DOCK1: variants seen among roughly 807,000 people sequenced by gnomAD.
The protein encoded by DOCK1 is dedicator of cytokinesis protein 1.
DOCK1 carries 138 observed loss-of-function variants against 262.7 expected under a neutral mutation model. The ratio of observed to expected loss-of-function variants is 0.53; its 90% CI spans 0.46 to 0.61. The LOEUF (loss-of-function observed/expected upper bound fraction) is 0.61, where lower values mean the gene tolerates loss of function less well. Among genes scored for constraint, DOCK1 ranks in the 20% least tolerant of loss-of-function variants. DOCK1 has a pLI of 0.00. For synonymous variants in DOCK1, 866 were observed against 867.4 expected, an observed-to-expected ratio of 1.00 and a Z score of 0.03; for missense variants, 1,908 against 2,370.7, an observed-to-expected ratio of 0.80 and a Z score of 4.05.
At chr10:127,092,344 C>G (rs372456573) in intron 23 of DOCK1, among the ~76,000 whole-genome samples, 2 of 152,174 alleles carry the variant, frequency 1.3e-5, no homozygotes, top group Admixed American at 1.3e-4. Flanking sequence ...GCATCGCTCC[C>G]GCCACAGGGC....
At chr10:126,998,549 C>T in intron 8 of DOCK1, 1 of 253,224 alleles carries the variant, frequency 3.9e-6, no homozygotes, top group Non-Finnish European at 7.6e-6. Context: ...ACTTTGTTTC[C>T]TAAGTTGTCT....
intron 22 of DOCK1, among the ~76,000 whole-genome samples, chr10:127,057,503 T>C (rs986143334): frequency 6.6e-6 from 1 of 152,244 alleles, no homozygotes; most frequent in Non-Finnish European, 1.5e-5. Context: ...ATTTTTTGTT[T>C]TGTTTAGAAA....
chr10:127,005,206 C>G (rs899399413), intron 10 of DOCK1, among the ~76,000 whole-genome samples: 1 of 151,990 alleles, frequency 6.6e-6, no homozygotes, highest in African/African-American at 2.4e-5. Context: ...ATTAGCCGGT[C>G]GTGGTGGCGC....
At chr10:127,004,204 A>G (rs148585574) in intron 10 of DOCK1, among the ~76,000 whole-genome samples, 1,629 of 151,788 alleles carry the variant, frequency 0.011, 24 homozygotes, top group African/African-American at 0.031. Context: ...CAGTGAGCCA[A>G]GATCACGCCA....
In DOCK1 at chr10:127,441,198, C is replaced by G. The variant is rs192474908; in HGVS notation, c.5259+1973C>G. 5.4e-4 allele frequency among the ~76,000 whole-genome samples: 83 copies of G among 152,354 alleles called. No individual in the cohort carries two copies. The East Asian group carries it at 0.013, about 23-fold the overall frequency. ...AGAAGTCCAAGGACACAAGCACACA[C>G]GTGACAGGCACAGAGCCAGCACAGT... On this transcript the variant is annotated intron_variant, in intron 49 of 51. Transcript: ENST00000623213.
At chr10:127,429,006 C>T (rs1233640202) in intron 47 of DOCK1, among the ~76,000 whole-genome samples, 2 of 129,744 alleles carry the variant, frequency 1.5e-5, no homozygotes, top group Non-Finnish European at 3.2e-5. Context: ...GATTGGGATG[C>T]CGTGTGGATT....
At chr10:127,239,887 A>G (rs1042291586) in intron 27 of DOCK1, among the ~76,000 whole-genome samples, 4 of 152,180 alleles carry the variant, frequency 2.6e-5, no homozygotes, top group African/African-American at 9.6e-5. Context: ...TCATTACACC[A>G]TAAACTATAA....
intron 27 of DOCK1, among the ~76,000 whole-genome samples, chr10:127,200,602 C>T (rs1295691003): frequency 1.3e-5 from 2 of 152,106 alleles, no homozygotes; most frequent in Non-Finnish European, 2.9e-5. Flanking sequence ...TGAGGTTTCA[C>T]CATGTTGCCC....
intron 31 of DOCK1, among the ~76,000 whole-genome samples, chr10:127,349,362 A>T (rs1206055141): frequency 6.6e-6 from 1 of 151,850 alleles, no homozygotes; most frequent in Admixed American, 6.6e-5. Flanking sequence ...ATCTCAGAAC[A>T]TGCTTTTCTT....
intron 25 of DOCK1, among the ~76,000 whole-genome samples, chr10:127,116,490 C>G (rs1027014920): frequency 6.6e-6 from 1 of 152,080 alleles, no homozygotes; most frequent in African/African-American, 2.4e-5. Context: ...AGTCAGATTT[C>G]TACACTATTA....
chr10:127,324,614 G>A (rs904153818), intron 29 of DOCK1, among the ~76,000 whole-genome samples: 1 of 150,376 alleles, frequency 6.6e-6, no homozygotes, highest in South Asian at 2.1e-4. Context: ...CAATATTTCG[G>A]TTTTTTTTTT....
At chr10:127,342,091 G>C (rs538906378) in intron 30 of DOCK1, among the ~76,000 whole-genome samples, 2,851 of 116,612 alleles carry the variant, frequency 0.024, 88 homozygotes, top group African/African-American at 0.085. Context: ...TGTTGCTGTT[G>C]TTGTTGCTGC....
intron 23 of DOCK1, among the ~76,000 whole-genome samples, chr10:127,091,835 A>C (rs2136103078): frequency 6.6e-6 from 1 of 152,304 alleles, no homozygotes; most frequent in South Asian, 2.1e-4. Context: ...GCTCCTGTGC[A>C]CCGACTGCAT....
At chr10:127,233,677 T>C (rs985072465) in intron 27 of DOCK1, among the ~76,000 whole-genome samples, 11 of 152,216 alleles carry the variant, frequency 7.2e-5, no homozygotes, top group Admixed American at 3.3e-4. Flanking sequence ...TCTAGAACAA[T>C]GTCCAAAACA....
chr10:127,373,092 C>G (rs953513882), intron 33 of DOCK1, among the ~76,000 whole-genome samples: 1 of 152,088 alleles, frequency 6.6e-6, no homozygotes, highest in Non-Finnish European at 1.5e-5. Flanking sequence ...TTTCCACCCC[C>G]CAGAATTTAG....
chr10:127,024,565 G>A (rs556177955), intron 14 of DOCK1, 120 bp from the exon 15 acceptor site: 132 of 786,574 alleles, frequency 1.7e-4, no homozygotes, highest in Non-Finnish European at 2.5e-4. Context: ...GTGTTCATTT[G>A]TGGTGGGGGT....
intron 29 of DOCK1, among the ~76,000 whole-genome samples, chr10:127,275,674 G>T (rs1299976539): frequency 1.3e-5 from 2 of 152,162 alleles, no homozygotes; most frequent in African/African-American, 4.8e-5. Flanking sequence ...TGGTACAGGA[G>T]GGGCTGGCCT....
At position 126,995,088 on chromosome 10, in the gene DOCK1, G is replaced by T. The variant is rs1249979352; in HGVS notation, c.474-1660G>T. On this transcript the variant is annotated intron_variant, in intron 6 of 51. Transcript: ENST00000623213. The surrounding 1 kb of genome is among the most constrained non-coding windows in gnomAD (Gnocchi z 5.8). Reference sequence around the variant, plus strand: ...CGCTCTTCACATCTCAGACGGGGCGGCAGGGCAGAGGCGCTCCCCAGATCC... The same window carrying T: ...CGCTCTTCACATCTCAGACGGGGCGTCAGGGCAGAGGCGCTCCCCAGATCC... Among the ~76,000 whole-genome samples, 1 of 150,490 alleles carries T rather than the reference G, an allele frequency of 6.6e-6. No individual in the cohort carries two copies. Among genetic ancestry groups the T allele is most frequent in the Admixed American group, 6.6e-5 (1 of 15,110 alleles).
chr10:127,202,664 G>A (rs1043201647), intron 27 of DOCK1, among the ~76,000 whole-genome samples: 5 of 152,196 alleles, frequency 3.3e-5, no homozygotes, highest in Admixed American at 1.3e-4. Flanking sequence ...AGACTTCGAT[G>A]AGAATGATGC....
Sources: gnomAD v4.1 joint callset for allele counts (sites outside exome capture counted in the v4.1 genomes callset) on GRCh38, gnomAD v4.1.1 for gene constraint, Gnocchi (gnomAD v3.1) non-coding constraint, MANE v1.5 for transcripts, NCBI Gene and HGNC (gene_info 2026-07-23, HGNC 2026-07-21) for gene names.